MARCHF5: variants seen among roughly 807,000 people sequenced by gnomAD.
MARCHF5 encodes the protein E3 ubiquitin-protein ligase MARCHF5.
Under a neutral mutation model 36.5 loss-of-function variants are expected in MARCHF5, and 5 were observed. That is an observed-to-expected ratio of 0.14 (90% CI 0.07 to 0.29). MARCHF5 has a LOEUF of 0.29. Ranked by LOEUF, MARCHF5 falls within the 10% of genes least tolerant of loss-of-function variation. The pLI, the probability that MARCHF5 is intolerant of heterozygous loss-of-function variation, is 1.00. For missense variants in MARCHF5, 179 were observed against 336.3 expected, an observed-to-expected ratio of 0.53 and a Z score of 3.66; for synonymous variants, 103 against 109.9, an observed-to-expected ratio of 0.94 and a Z score of 0.39.
At chr10:92,298,319 C>T (rs1842971810) in intron 1 of MARCHF5, among the ~76,000 whole-genome samples, 1 of 152,150 alleles carries the variant, frequency 6.6e-6, no homozygotes, top group Admixed American at 6.5e-5. Flanking sequence ...TCAGCATTTA[C>T]TATTTTGAGA....
intron 2 of MARCHF5, among the ~76,000 whole-genome samples, chr10:92,334,190 G>A (rs1235627552): frequency 6.6e-6 from 1 of 152,122 alleles, no homozygotes; most frequent in Non-Finnish European, 1.5e-5. Flanking sequence ...ACTCTGTCTC[G>A]GAAGAAAGTT....
At chr10:92,312,034 G>C (rs1843150505) in intron 2 of MARCHF5, among the ~76,000 whole-genome samples, 1 of 152,152 alleles carries the variant, frequency 6.6e-6, no homozygotes, top group South Asian at 2.1e-4. Context: ...TCTTGGTTTG[G>C]TGTTTATACC....
chr10:92,334,792 T>C (rs1463853118), intron 2 of MARCHF5, among the ~76,000 whole-genome samples: 1 of 152,214 alleles, frequency 6.6e-6, no homozygotes, highest in Non-Finnish European at 1.5e-5. Flanking sequence ...CAAGCCCCAG[T>C]AGTTCTCAGC....
intron 2 of MARCHF5, among the ~76,000 whole-genome samples, chr10:92,322,361 G>C (rs1353118064): frequency 1.4e-5 from 2 of 141,828 alleles, no homozygotes; most frequent in African/African-American, 5.3e-5. Context: ...CCTTCTGCTT[G>C]ATTTGGGTTT....
intron 1 of MARCHF5, among the ~76,000 whole-genome samples, chr10:92,292,639 G>A (rs1842895704): frequency 6.6e-6 from 1 of 152,098 alleles, no homozygotes; most frequent in Non-Finnish European, 1.5e-5. Context: ...CAGTTAATAG[G>A]AATTATGTCA....
chr10:92,300,896 T>TC (rs1315595357), intron 1 of MARCHF5, among the ~76,000 whole-genome samples: 1 of 150,312 alleles, frequency 6.7e-6, no homozygotes, highest in Non-Finnish European at 1.5e-5. Context: ...TAATTCTTTT[T>TC]TTTTTTTTTT....
chr10:92,333,776 C>T (rs1217096884), intron 2 of MARCHF5, among the ~76,000 whole-genome samples: 1 of 152,084 alleles, frequency 6.6e-6, no homozygotes, highest in Non-Finnish European at 1.5e-5. Context: ...ACATTCCAGA[C>T]ATGTAGCAAA....
chr10:92,294,999 A>T (rs1345102166), intron 1 of MARCHF5, among the ~76,000 whole-genome samples: 1 of 152,210 alleles, frequency 6.6e-6, no homozygotes, highest in African/African-American at 2.4e-5. Flanking sequence ...GCCCCTGGGT[A>T]CTACAGCCCA....
chr10:92,307,214 C>CGTGT (rs1397211377), intron 1 of MARCHF5, among the ~76,000 whole-genome samples: 1 of 82,310 alleles, frequency 1.2e-5, no homozygotes, highest in African/African-American at 4.2e-5. Context: ...TGTGTGTGTG[C>CGTGT]GCGTGCATGC....
At chr10:92,319,913 A>G (rs1843269012) in intron 2 of MARCHF5, among the ~76,000 whole-genome samples, 1 of 149,744 alleles carries the variant, frequency 6.7e-6, no homozygotes, top group Admixed American at 6.7e-5. Context: ...TGGCCTCCCA[A>G]AGTGCTGGGA....
At chr10:92,303,622 T>C (rs190771848) in intron 1 of MARCHF5, among the ~76,000 whole-genome samples, 13 of 152,282 alleles carry the variant, frequency 8.5e-5, no homozygotes, top group African/African-American at 2.6e-4. Context: ...AATGTACTTA[T>C]TAGGTACTCA....
At chr10:92,330,217 A>G (rs913448119) in intron 2 of MARCHF5, among the ~76,000 whole-genome samples, 1 of 152,148 alleles carries the variant, frequency 6.6e-6, no homozygotes, top group Non-Finnish European at 1.5e-5. Context: ...TCAGAATAAG[A>G]GTTCCTTTTG....
At chr10:92,347,913 T>C (rs1843673249) in intron 3 of MARCHF5, among the ~76,000 whole-genome samples, 1 of 152,186 alleles carries the variant, frequency 6.6e-6, no homozygotes, top group Non-Finnish European at 1.5e-5. Context: ...CCGGGCGCAG[T>C]GGCTCACGCC....
intron 1 of MARCHF5, among the ~76,000 whole-genome samples, chr10:92,309,897 C>T (rs1843124157): frequency 6.6e-6 from 1 of 152,090 alleles, no homozygotes; most frequent in East Asian, 1.9e-4. Context: ...GACAGCTTAG[C>T]TAAAGTGGGT....
chr10:92,291,642 C>T, intron 1 of MARCHF5, 113 bp downstream of exon 1: 2 of 1,406,512 alleles, frequency 1.4e-6, no homozygotes, highest in Non-Finnish European at 1.9e-6. Context: ...AGGAGTTCCA[C>T]GGCCAGGGGG....
At chr10:92,296,204 T>G (rs1413161214) in intron 1 of MARCHF5, among the ~76,000 whole-genome samples, 1 of 152,204 alleles carries the variant, frequency 6.6e-6, no homozygotes, top group Non-Finnish European at 1.5e-5. Context: ...GGATTGCCTT[T>G]CGTTTTTATA....
chr10:92,320,830 G>T (rs906386527), intron 2 of MARCHF5, among the ~76,000 whole-genome samples: 4 of 151,988 alleles, frequency 2.6e-5, no homozygotes, highest in Non-Finnish European at 5.9e-5. Context: ...AGTGTACAAT[G>T]TGTATAAAGT....
intron 2 of MARCHF5, among the ~76,000 whole-genome samples, chr10:92,322,797 G>C (rs1220395141): frequency 6.6e-6 from 1 of 151,380 alleles, no homozygotes; most frequent in African/African-American, 2.4e-5. Flanking sequence ...GAGTGCAGTG[G>C]CATGATCTCA....
chr10:92,347,951 G>A (rs1479712586), intron 3 of MARCHF5, among the ~76,000 whole-genome samples: 4 of 152,152 alleles, frequency 2.6e-5, no homozygotes, highest in Admixed American at 2.0e-4. Context: ...CGGAGGCCGA[G>A]GCGGGTGGAT....
Sources: gnomAD v4.1 joint callset for allele counts (sites outside exome capture counted in the v4.1 genomes callset) on GRCh38, gnomAD v4.1.1 for gene constraint, MANE v1.5 for transcripts, NCBI Gene and HGNC (gene_info 2026-07-23, HGNC 2026-07-21) for gene names.